The following NAGLU variants were observed in gnomAD, a reference collection of about 807,000 sequenced individuals.
The protein encoded by NAGLU is N-acetyl-alpha-glucosaminidase.
A neutral mutation model predicts 43.4 loss-of-function variants in NAGLU; 34 were observed. The ratio of observed to expected loss-of-function variants is 0.78; its 90% CI spans 0.60 to 1.04. The LOEUF (loss-of-function observed/expected upper bound fraction) is 1.04. Among genes scored for constraint, NAGLU ranks in the 50% least tolerant of loss-of-function variants. NAGLU has a pLI of 0.00. For synonymous variants in NAGLU, 425 were observed against 437.6 expected, an observed-to-expected ratio of 0.97 and a Z score of 0.36; for missense variants, 910 against 993.7, an observed-to-expected ratio of 0.92 and a Z score of 1.13.
At position 42,540,985 on chromosome 17, in the gene NAGLU, G is replaced by T. The variant is rs1205026597; in HGVS notation, c.800G>T (p.Ser267Ile). The T allele has an allele frequency of 6.2e-7, 1 of 1,614,214 alleles. No homozygotes were observed. The highest frequency in any genetic ancestry group is 8.5e-7 in the Non-Finnish European group (1 of 1,180,048). The change falls in exon 5 of 6, where the codon AGT (serine) becomes ATT (isoleucine). Residue 267 changes from serine (S) to isoleucine (I), a missense_variant. Ser to Ile is a moderately radical substitution (Grantham distance 142). Coordinates refer to ENST00000225927, the MANE Select transcript of NAGLU (RefSeq NM_000263.4). Reference protein sequence around the residue: ...FPQVNVTKMGSWGHFNCSYSC... With the variant: ...FPQVNVTKMGIWGHFNCSYSC... ...CAGGTCAATGTCACGAAGATGGGCAGTTGGGGCCACTTTAACTGTTCCTAC... is the reference window on the plus strand; with the variant it reads ...CAGGTCAATGTCACGAAGATGGGCATTTGGGGCCACTTTAACTGTTCCTAC...
In NAGLU at chr17:42,537,440, C is replaced by T. The variant is rs915734630; in HGVS notation, c.426C>T (p.Phe142=). Residue 142 remains phenylalanine, a synonymous_variant, in exon 2 of 6, where the codon TTC becomes TTT. Transcript: ENST00000225927. The stretch of plus-strand genomic sequence containing the variant: ...ATGTGTGCACGCAAAGCTACTCTTT[C>T]GTGTGGTGGGACTGGGCCCGCTGGG... ...YQNVCTQSYS[F]VWWDWARWER... 6 of 1,614,250 alleles carry T rather than the reference C, an allele frequency of 3.7e-6. No individual in the cohort carries two copies. The highest frequency in any genetic ancestry group is 1.1e-5 in the South Asian group (1 of 91,090).
intron 4 of NAGLU, among the ~76,000 whole-genome samples, chr17:42,539,476 G>T (rs1455873107): frequency 1.3e-5 from 2 of 152,184 alleles, no homozygotes; most frequent in Non-Finnish European, 2.9e-5. Flanking sequence ...CTAGTGCCCC[G>T]CATGACCTCC....
In NAGLU at chr17:42,540,905, C is replaced by T. The variant is rs199654649; in HGVS notation, c.765-45C>T. Reference sequence around the variant, plus strand: ...AGGCTGTTGAACACTATGGTGAACACTATGGCGGCTTCCATGAAATATCTG... The same window carrying T: ...AGGCTGTTGAACACTATGGTGAACATTATGGCGGCTTCCATGAAATATCTG... On this transcript the variant is annotated intron_variant, in intron 4 of 5. Transcript: ENST00000225927. 4 of 1,614,070 alleles carry T rather than the reference C, an allele frequency of 2.5e-6. No homozygotes were observed. The African/African-American group carries it at 5.3e-5, about 22-fold the overall frequency.
In NAGLU at chr17:42,543,510, T is replaced by A. The variant is rs1414858414; in HGVS notation, c.1504T>A (p.Tyr502Asn). The change falls in exon 6 of 6, where the codon TAC (tyrosine) becomes AAC (asparagine). Residue 502 changes from tyrosine (Y) to asparagine (N), a missense_variant. By Grantham distance (143) the Tyr-to-Asn change is moderately radical. Coordinates refer to ENST00000225927, the MANE Select transcript of NAGLU (RefSeq NM_000263.4). ...AAWRLLLRSV[Y>N]NCSGEACRGH... is the part of the protein sequence containing the mutation. The stretch of plus-strand genomic sequence containing the variant: ...GTGGAGGCTACTGCTCCGGAGTGTG[T>A]ACAACTGCTCCGGGGAGGCCTGCAG... 6.2e-7 allele frequency: 1 copy of A among 1,605,190 alleles called. No individual in the cohort carries two copies. The highest frequency in any genetic ancestry group is 8.5e-7 in the Non-Finnish European group (1 of 1,177,766).
rs750276054 is a variant in NAGLU at position 42,538,454 on chromosome 17, C to G, written c.647C>G (p.Pro216Arg). 10 of 1,614,022 alleles carry G rather than the reference C, an allele frequency of 6.2e-6. No individual in the cohort carries two copies. Among genetic ancestry groups the G allele is most frequent in the South Asian group, 2.2e-5 (2 of 91,096 alleles). ...NLHTWDGPLPPSWHIKQLYLQ... is the reference protein window; with the variant it reads ...NLHTWDGPLPRSWHIKQLYLQ... ...CACACCTGGGATGGCCCCCTGCCCC[C>G]CTCCTGGCACATCAAGCAGCTTTAC... The change falls in exon 3 of 6, where the codon CCC (proline) becomes CGC (arginine). Residue 216 changes from proline (P) to arginine (R), a missense_variant. Transcript: ENST00000225927.
chr17:42,538,733 C>T lies in NAGLU; in HGVS notation c.742C>T (p.His248Tyr). 6.2e-7 allele frequency: 1 copy of T among 1,614,038 alleles called. No individual in the cohort carries two copies. Among genetic ancestry groups the T allele is most frequent in the Non-Finnish European group, 8.5e-7 (1 of 1,180,038 alleles). The change falls in exon 4 of 6, where the codon CAT becomes TAT. Residue 248 changes from histidine to tyrosine, a missense_variant. Transcript: ENST00000225927. Reference protein sequence around the residue: ...MTPVLPAFAGHVPEAVTRVFP... With the variant: ...MTPVLPAFAGYVPEAVTRVFP... ...CCCAGTGCTGCCTGCATTCGCGGGGCATGTTCCCGAGGCTGTCACCAGGTG... is the reference window on the plus strand; with the variant it reads ...CCCAGTGCTGCCTGCATTCGCGGGGTATGTTCCCGAGGCTGTCACCAGGTG...
chr17:42,543,493 T>C lies in NAGLU; in HGVS notation c.1487T>C (p.Leu496Pro), dbSNP rs569519789. The change falls in exon 6 of 6, where the codon CTA becomes CCA. Residue 496 changes from leucine to proline, a missense_variant. Leu to Pro is a moderately conservative substitution (Grantham distance 98). Coordinates refer to ENST00000225927, the MANE Select transcript of NAGLU (RefSeq NM_000263.4). ...SHPDAGAAWRLLLRSVYNCSG... is the reference protein window; with the variant it reads ...SHPDAGAAWRPLLRSVYNCSG... The stretch of plus-strand genomic sequence containing the variant: ...CCGGACGCAGGGGCAGCGTGGAGGC[T>C]ACTGCTCCGGAGTGTGTACAACTGC... The C allele has an allele frequency of 6.2e-7, 1 of 1,602,750 alleles. No homozygotes were observed. The highest frequency in any genetic ancestry group is 1.1e-5 in the South Asian group (1 of 90,170).
Position 42,536,605 on chromosome 17 carries a change from G to A in NAGLU, c.333G>A (p.Pro111=). The change falls in exon 1 of 6, where the codon CCG becomes CCA. Residue 111 remains proline (P), a synonymous_variant. Transcript: ENST00000225927. The part of the protein sequence containing the change: ...VAWSGSQLRL[P]RPLPAVPGEL... ...GGTCCGGCTCTCAGCTGCGCCTGCCGCGGCCACTGCCAGCCGTGCCGGGGG... is the reference window on the plus strand; with the variant it reads ...GGTCCGGCTCTCAGCTGCGCCTGCCACGGCCACTGCCAGCCGTGCCGGGGG... The A allele has an allele frequency of 6.7e-7, 1 of 1,490,954 alleles. No individual in the cohort carries two copies. The highest frequency in any genetic ancestry group is 8.9e-7 in the Non-Finnish European group (1 of 1,128,430). 92.4% of individuals were successfully genotyped at this position (1,490,954 alleles called of 1,614,324 possible). A position where few individuals can be genotyped will look rare whatever the true frequency, so the allele number is the denominator to read the frequency against.
intron 1 of NAGLU, chr17:42,537,055 A>T: frequency 2.2e-6 from 1 of 459,194 alleles, no homozygotes; most frequent in South Asian, 2.1e-5. Context: ...GTGTTCACAC[A>T]GCTGTCCTCC....
At position 42,541,120 on chromosome 17, in the gene NAGLU, A is replaced by G; in HGVS notation, c.935A>G (p.Asp312Gly). The G allele has an allele frequency of 1.9e-6, 3 of 1,614,072 alleles. No homozygotes were observed. Among genetic ancestry groups the G allele is most frequent in the Non-Finnish European group, 2.5e-6 (3 of 1,180,024 alleles). Residue 312 changes from aspartate (D) to glycine (G), a missense_variant, in exon 5 of 6, where the codon GAC becomes GGC. Transcript: ENST00000225927. ...GGCACAGACCACATCTATGGGGCCG[A>G]CACTTTCAATGAGATGCAGCCACCT... is the stretch of plus-strand genomic sequence containing the variant. The part of the protein sequence containing the change: ...EFGTDHIYGA[D>G]TFNEMQPPSS...
At chr17:42,536,698 C>A in intron 1 of NAGLU, 43 bp downstream of exon 1, 1 of 1,397,300 alleles carries the variant, frequency 7.2e-7, no homozygotes, top group South Asian at 1.5e-5. Context: ...AGGCGCTTAC[C>A]CCCTCCCGGA....
intron 5 of NAGLU, 34 bp from the exon 6 acceptor site, chr17:42,542,994 C>T (rs767315188): frequency 9.4e-6 from 15 of 1,597,924 alleles, no homozygotes; most frequent in Non-Finnish European, 1.3e-5. Flanking sequence ...TTTCATCACT[C>T]CTCTTCTCTG....
rs375458666 is a variant in NAGLU at position 42,538,376 on chromosome 17, A to G, written c.569A>G (p.Asn190Ser). 2.0e-5 allele frequency: 32 copies of G among 1,614,132 alleles called. No individual in the cohort carries two copies. The highest frequency in any genetic ancestry group is 9.3e-5 in the African/African-American group (7 of 74,938). Residue 190 changes from asparagine (N) to serine (S), a missense_variant, in exon 3 of 6, where the codon AAT (asparagine) becomes AGT (serine). Coordinates refer to ENST00000225927, the MANE Select transcript of NAGLU (RefSeq NM_000263.4). ...TTGGGCCTGACCCAGGCAGAGATCA[A>G]TGAGTTCTTTACTGGTCCTGCCTTC... ...LALGLTQAEINEFFTGPAFLA... is the reference protein window; with the variant it reads ...LALGLTQAEISEFFTGPAFLA...
At chr17:42,539,404 A>G (rs1046938619) in intron 4 of NAGLU, among the ~76,000 whole-genome samples, 1 of 151,962 alleles carries the variant, frequency 6.6e-6, no homozygotes, top group African/African-American at 2.4e-5. Context: ...CCATCCTCTC[A>G]CATGTGGTTG....
chr17:42,540,560 G>T (rs2092918791), intron 4 of NAGLU, among the ~76,000 whole-genome samples: 1 of 151,832 alleles, frequency 6.6e-6, no homozygotes, highest in African/African-American at 2.4e-5. Flanking sequence ...GCCGGGTGTG[G>T]TGGCGGGCAC....
Position 42,536,455 on chromosome 17 carries a change from C to G in NAGLU, c.183C>G (p.Gly61=), listed in dbSNP as rs2143076268. The change falls in exon 1 of 6, where the codon GGC becomes GGG. Residue 61 remains glycine (G), a synonymous_variant. Transcript: ENST00000225927. ...SVERALAAKP[G]LDTYSLGGGG... ...AGCGCGCTCTGGCTGCCAAGCCGGG[C>G]TTGGACACCTACAGCCTGGGCGGCG... is the stretch of plus-strand genomic sequence containing the variant. 2.4e-6 allele frequency: 3 copies of G among 1,260,264 alleles called. No individual in the cohort carries two copies. Among genetic ancestry groups the G allele is most frequent in the Non-Finnish European group, 3.0e-6 (3 of 994,542 alleles). The allele number at this position is 1,260,264 out of a possible 1,614,324, so 78.1% of individuals were successfully genotyped here. A position where few individuals can be genotyped will look rare whatever the true frequency, so the allele number is the denominator to read the frequency against.
chr17:42,540,129 A>C (rs2092917666), intron 4 of NAGLU, among the ~76,000 whole-genome samples: 1 of 151,508 alleles, frequency 6.6e-6, no homozygotes, highest in Admixed American at 6.6e-5. Context: ...AAAAAAAAAA[A>C]AAAGGAAAGA....
Position 42,537,419 on chromosome 17 carries a change from G to A in NAGLU, c.405G>A (p.Val135=). 3 of 1,614,240 alleles carry A rather than the reference G, an allele frequency of 1.9e-6. No homozygotes were observed. The highest frequency in any genetic ancestry group is 2.5e-6 in the Non-Finnish European group (3 of 1,180,024). Residue 135 remains valine (V), a synonymous_variant, in exon 2 of 6, where the codon GTG becomes GTA. Coordinates refer to ENST00000225927, the MANE Select transcript of NAGLU (RefSeq NM_000263.4). ...GCAGGTACCGCTATTACCAGAATGT[G>A]TGCACGCAAAGCTACTCTTTCGTGT... The part of the protein sequence containing the change: ...TPNRYRYYQN[V]CTQSYSFVWW...
chr17:42,538,455 C>T lies in NAGLU; in HGVS notation c.648C>T (p.Pro216=). ...ACACCTGGGATGGCCCCCTGCCCCC[C>T]TCCTGGCACATCAAGCAGCTTTACC... ...NLHTWDGPLP[P]SWHIKQLYLQ... Residue 216 remains proline (P), a synonymous_variant, in exon 3 of 6, where the codon CCC becomes CCT. Transcript: ENST00000225927. 1 of 1,614,134 alleles carries T rather than the reference C, an allele frequency of 6.2e-7. No individual in the cohort carries two copies. The highest frequency in any genetic ancestry group is 8.5e-7 in the Non-Finnish European group (1 of 1,180,036).
Sources: allele counts gnomAD v4.1 joint callset (sites outside exome capture counted in the v4.1 genomes callset), GRCh38; gene constraint gnomAD v4.1.1; transcripts MANE v1.5; gene names NCBI Gene and HGNC (gene_info 2026-07-23, HGNC 2026-07-21).